KDM4C: variants seen among roughly 807,000 people sequenced by gnomAD.
The protein encoded by KDM4C is lysine-specific demethylase 4C.
Under a neutral mutation model 129.3 loss-of-function variants are expected in KDM4C, and 81 were observed. The observed-to-expected ratio is 0.63, with a 90% confidence interval of 0.52 to 0.75. The LOEUF (loss-of-function observed/expected upper bound fraction) is 0.75, where lower values mean the gene tolerates loss of function less well. Among genes scored for constraint, KDM4C ranks in the 30% least tolerant of loss-of-function variants. The pLI, the probability that KDM4C is intolerant of heterozygous loss-of-function variation, is 0.00. For missense variants in KDM4C, 1,457 were observed against 1,304.0 expected (o/e 1.12, Z -1.81); for synonymous variants, 573 against 456.1 (o/e 1.26, Z -3.26).
intron 5 of KDM4C, among the ~76,000 whole-genome samples, chr9:6,852,735 C>G (rs1014556001): frequency 6.6e-6 from 1 of 152,188 alleles, no homozygotes; most frequent in Non-Finnish European, 1.5e-5. Context: ...ACTCCTTCCT[C>G]TTGAATTCTA....
intron 8 of KDM4C, among the ~76,000 whole-genome samples, chr9:6,975,392 A>G (rs1832748626): frequency 6.6e-6 from 1 of 152,216 alleles, no homozygotes; most frequent in Admixed American, 6.5e-5. Context: ...TGGCCATTTA[A>G]ATGATAAAGC....
rs796215627 is a variant in KDM4C, at chr9:6,759,866, T to C, written c.-18+1663T>C. On this transcript the variant is annotated intron_variant, in intron 1 of 21. Transcript: ENST00000381309. ...TGAGGCAAGAGAATCACTTGAATCC[T>C]GGAAGTGGAGGTTGCCGTGAGCCGA... Among the ~76,000 whole-genome samples, 3 of 150,330 alleles carry C rather than the reference T, an allele frequency of 2.0e-5. No homozygotes were observed. The South Asian group carries it at 6.3e-4, about 31-fold the overall frequency.
chr9:6,753,820 A>ATAAAGG (rs1251230572), upstream of KDM4C, among the ~76,000 whole-genome samples: 1 of 151,332 alleles, frequency 6.6e-6, no homozygotes, highest in Admixed American at 6.6e-5. Flanking sequence ...TACATATTTG[A>ATAAAGG]TAAAGGTAAA....
chr9:6,925,046 G>A (rs2131246450), intron 8 of KDM4C: 1 of 985,302 alleles, frequency 1.0e-6, no homozygotes, highest in South Asian at 4.7e-5. Context: ...AGGTGTATAA[G>A]AATGAACATT....
intron 1 of KDM4C, among the ~76,000 whole-genome samples, chr9:6,767,030 G>T (rs538589860): frequency 1.3e-5 from 2 of 152,296 alleles, no homozygotes; most frequent in African/African-American, 2.4e-5. Flanking sequence ...GAGTCCATCA[G>T]ATACTTTGAA....
chr9:6,870,172 GA>G (rs1842639528), intron 5 of KDM4C, among the ~76,000 whole-genome samples: 1 of 151,960 alleles, frequency 6.6e-6, no homozygotes, highest in Admixed American at 6.6e-5. Context: ...CATCCCCCCT[GA>G]AAAAAACAAC....
intron 8 of KDM4C, among the ~76,000 whole-genome samples, chr9:6,951,662 T>C (rs1828166790): frequency 1.3e-5 from 2 of 152,208 alleles, no homozygotes; most frequent in South Asian, 2.1e-4. Context: ...ACCCATGGTA[T>C]ACAGTTTAGA....
intron 8 of KDM4C, among the ~76,000 whole-genome samples, chr9:6,927,767 T>G (rs1013425322): frequency 4.6e-5 from 7 of 152,206 alleles, no homozygotes; most frequent in Non-Finnish European, 5.9e-5. Flanking sequence ...GTAAGAAGAT[T>G]AAGTTCTTAG....
intron 1 of KDM4C, among the ~76,000 whole-genome samples, chr9:6,784,034 G>T (rs111633897): frequency 6.6e-6 from 1 of 152,112 alleles, no homozygotes; most frequent in Non-Finnish European, 1.5e-5. Flanking sequence ...TGAGGAAGAA[G>T]CTCATGGAAG....
At chr9:7,166,090 A>G (rs10511462) in intron 20 of KDM4C, among the ~76,000 whole-genome samples, 1 of 152,008 alleles carries the variant, frequency 6.6e-6, no homozygotes, top group African/African-American at 2.4e-5. Flanking sequence ...TTTAGAGCCA[A>G]TACATTGTAG....
At chr9:6,961,471 C>T (rs923690765) in intron 8 of KDM4C, among the ~76,000 whole-genome samples, 2 of 152,064 alleles carry the variant, frequency 1.3e-5, no homozygotes, top group African/African-American at 4.8e-5. Flanking sequence ...TATAAACTGT[C>T]AGAAAATGAG....
chr9:6,754,425 C>G (rs1818178620), upstream of KDM4C, among the ~76,000 whole-genome samples: 1 of 151,506 alleles, frequency 6.6e-6, no homozygotes, highest in Non-Finnish European at 1.5e-5. Context: ...GTTATCTAGG[C>G]TGGTCTTGAA....
chr9:7,100,915 T>G (rs1837008329), intron 17 of KDM4C, among the ~76,000 whole-genome samples: 1 of 152,198 alleles, frequency 6.6e-6, no homozygotes, highest in Non-Finnish European at 1.5e-5. Flanking sequence ...AGTTCTTATC[T>G]ACTTTGGTTT....
At chr9:6,739,144 C>A (rs1417950374) in intron 1 of KDM4C, among the ~76,000 whole-genome samples, 3 of 152,160 alleles carry the variant, frequency 2.0e-5, no homozygotes, top group Non-Finnish European at 1.5e-5. Context: ...GAAATCTCTG[C>A]TCACTGCAAC....
At chr9:6,792,275 G>A (rs1588294103) in intron 1 of KDM4C, among the ~76,000 whole-genome samples, 1 of 152,140 alleles carries the variant, frequency 6.6e-6, no homozygotes, top group East Asian at 1.9e-4. Flanking sequence ...CCTGGGAGGT[G>A]GAGGTTGCAG....
At chr9:6,911,666 C>T (rs1819335686) in intron 8 of KDM4C, among the ~76,000 whole-genome samples, 1 of 152,300 alleles carries the variant, frequency 6.6e-6, no homozygotes, top group East Asian at 1.9e-4. Flanking sequence ...TTTGACTAAT[C>T]TCCTTGATCT....
intron 6 of KDM4C, among the ~76,000 whole-genome samples, chr9:6,886,859 C>T (rs1293772840): frequency 6.6e-6 from 1 of 152,084 alleles, no homozygotes. Context: ...CTCAAGTGAT[C>T]CACCTGCCTT....
chr9:6,766,540 A>C (rs1820662712), intron 1 of KDM4C, among the ~76,000 whole-genome samples: 1 of 152,152 alleles, frequency 6.6e-6, no homozygotes, highest in East Asian at 1.9e-4. Flanking sequence ...ATTTAGAAAT[A>C]TGAACTTTTT....
At chr9:6,969,564 T>C (rs1831584546) in intron 8 of KDM4C, among the ~76,000 whole-genome samples, 1 of 152,214 alleles carries the variant, frequency 6.6e-6, no homozygotes, top group Non-Finnish European at 1.5e-5. Context: ...CGTTTAACTT[T>C]TACATCCGTG....
Sources: allele counts gnomAD v4.1 joint callset (sites outside exome capture counted in the v4.1 genomes callset), GRCh38; gene constraint gnomAD v4.1.1; transcripts MANE v1.5; gene names NCBI Gene and HGNC (gene_info 2026-07-23, HGNC 2026-07-21).